Variants in EXOC6B observed in about 807,000 individuals in gnomAD.
The protein encoded by EXOC6B is exocyst complex component 6B, also known as SEC15 homolog B.
EXOC6B carries 54 observed loss-of-function variants against 113.5 expected under a neutral mutation model. The observed-to-expected ratio is 0.48, with a 90% CI of 0.38 to 0.60. EXOC6B has a LOEUF of 0.60. Ranked by LOEUF, EXOC6B falls within the 20% of genes least tolerant of loss-of-function variation. EXOC6B has a pLI of 0.00. For synonymous variants in EXOC6B, 357 were observed against 339.0 expected (o/e 1.05, Z -0.58); for missense variants, 797 against 977.5 (o/e 0.82, Z 2.46).
intron 18 of EXOC6B, among the ~76,000 whole-genome samples, chr2:72,423,891 T>C (rs1245388190): frequency 6.6e-6 from 1 of 152,216 alleles, no homozygotes; most frequent in African/African-American, 2.4e-5. Flanking sequence ...TATTTCTTCA[T>C]TACACATTAC....
chr2:72,322,401 G>A (rs1427320529), intron 20 of EXOC6B, among the ~76,000 whole-genome samples: 2 of 152,204 alleles, frequency 1.3e-5, no homozygotes, highest in East Asian at 3.9e-4. Context: ...ATAAAGAGCA[G>A]ATCAGTGGTT....
chr2:72,224,924 GTA>G (rs1232167716), intron 20 of EXOC6B, among the ~76,000 whole-genome samples: 1 of 148,774 alleles, frequency 6.7e-6, no homozygotes, highest in African/African-American at 2.5e-5. Flanking sequence ...GTATATATGT[GTA>G]TATATATGTC....
chr2:72,610,841 C>G (rs547792037), intron 6 of EXOC6B, among the ~76,000 whole-genome samples: 1 of 152,148 alleles, frequency 6.6e-6, no homozygotes, highest in East Asian at 1.9e-4. Context: ...AAGCCAAAAA[C>G]GGAAAACTCC....
intron 20 of EXOC6B, among the ~76,000 whole-genome samples, chr2:72,256,200 T>C (rs10193543): frequency 1.3e-5 from 2 of 152,116 alleles, no homozygotes; most frequent in Non-Finnish European, 2.9e-5. Flanking sequence ...CAAGGAAGGA[T>C]TCTCCCTTAG....
chr2:72,506,131 A>G (rs1700581851), intron 11 of EXOC6B, among the ~76,000 whole-genome samples: 1 of 152,100 alleles, frequency 6.6e-6, no homozygotes, highest in African/African-American at 2.4e-5. Flanking sequence ...CATTATCAAG[A>G]TCATGTATGC....
rs11890760 is a variant in EXOC6B, at chr2:72,745,348, A to G, written c.114-3879T>C. Among the ~76,000 whole-genome samples the G allele has an allele frequency of 3.6e-3, 552 of 152,216 alleles. 8 individuals are homozygous for G. The highest frequency in any genetic ancestry group is 0.013 in the African/African-American group (539 of 41,544). ...TTCTACCTGCTTATCACTACTCTCC[A>G]TCTGTTACTCCTATCTTAGGACCAT... On this transcript the variant is annotated intron_variant, in intron 1 of 21. Coordinates refer to ENST00000272427, the MANE Select transcript of EXOC6B (RefSeq NM_015189.3).
intron 18 of EXOC6B, among the ~76,000 whole-genome samples, chr2:72,430,016 C>T (rs1034471909): frequency 3.3e-5 from 5 of 152,028 alleles, no homozygotes; most frequent in African/African-American, 1.2e-4. Context: ...AAATATATTG[C>T]TAAGGGGAAA....
chr2:72,699,803 G>A (rs568587057), intron 6 of EXOC6B, among the ~76,000 whole-genome samples: 4 of 152,252 alleles, frequency 2.6e-5, no homozygotes, highest in South Asian at 4.2e-4. Context: ...AGGATAGCCC[G>A]CAAAAGTAGG....
chr2:72,296,870 C>T (rs1477609191), intron 20 of EXOC6B, among the ~76,000 whole-genome samples: 3 of 152,166 alleles, frequency 2.0e-5, no homozygotes, highest in African/African-American at 7.2e-5. Context: ...GAAGACTATT[C>T]CTTCGGTGCT....
chr2:72,586,041 AG>A (rs781094320), intron 6 of EXOC6B, among the ~76,000 whole-genome samples: 10 of 152,194 alleles, frequency 6.6e-5, no homozygotes, highest in South Asian at 2.1e-4. Context: ...ATAACTGTGT[AG>A]GTATATACCA....
Position 72,825,978 on chromosome 2 carries a change from C to T in EXOC6B, c.-68G>A. The stretch of plus-strand genomic sequence containing the variant: ...CTCACCTTTTCCCTGCCCCACAATG[C>T]CGCTCCCACCACAGGCTCCACAGCC... On this transcript the variant is annotated 5_prime_UTR_variant, in exon 1 of 22. Transcript: ENST00000272427. The surrounding 1 kb of genome is among the most constrained non-coding windows in gnomAD (Gnocchi z 4.4). 3 of 1,571,932 alleles carry T rather than the reference C, an allele frequency of 1.9e-6. No individual in the cohort carries two copies. The highest frequency in any genetic ancestry group is 1.7e-6 in the Non-Finnish European group (2 of 1,162,282).
At chr2:72,263,716 T>C (rs1271902594) in intron 20 of EXOC6B, among the ~76,000 whole-genome samples, 2 of 152,208 alleles carry the variant, frequency 1.3e-5, no homozygotes. Context: ...AGGAGTGGTC[T>C]TATCCTGTTA....
intron 6 of EXOC6B, among the ~76,000 whole-genome samples, chr2:72,670,530 C>T (rs1675716755): frequency 6.6e-6 from 1 of 152,104 alleles, no homozygotes; most frequent in African/African-American, 2.4e-5. Context: ...AGTAAGCCTT[C>T]CTAAAAGATA....
At chr2:72,397,359 G>A (rs1264098812) in intron 18 of EXOC6B, among the ~76,000 whole-genome samples, 7 of 151,974 alleles carry the variant, frequency 4.6e-5, no homozygotes, top group African/African-American at 1.2e-4. Flanking sequence ...AGTGGCTCAC[G>A]CCTGTAATCT....
At chr2:72,727,727 A>G (rs1225736026) in intron 5 of EXOC6B, among the ~76,000 whole-genome samples, 4 of 152,146 alleles carry the variant, frequency 2.6e-5, no homozygotes, top group Non-Finnish European at 4.4e-5. Context: ...TTTATACTGA[A>G]CTTAAGAAGG....
rs542328698 is a variant in EXOC6B at position 72,453,671 on chromosome 2, A to G, written c.1980+11489T>C. Among the ~76,000 whole-genome samples, 3 of 152,340 alleles carry G rather than the reference A, an allele frequency of 2.0e-5. No homozygotes were observed. The South Asian group carries it at 6.2e-4, about 32-fold the overall frequency. On this transcript the variant is annotated intron_variant, in intron 18 of 21. Coordinates refer to ENST00000272427, the MANE Select transcript of EXOC6B (RefSeq NM_015189.3). ...AAGTTTATATAACAGTTTGCCTATCATTACACAGTTAAGGTTTTTAATTAT... is the reference window on the plus strand; with the variant it reads ...AAGTTTATATAACAGTTTGCCTATCGTTACACAGTTAAGGTTTTTAATTAT...
chr2:72,323,478 T>C (rs1322998957), intron 20 of EXOC6B, among the ~76,000 whole-genome samples: 1 of 152,170 alleles, frequency 6.6e-6, no homozygotes, highest in African/African-American at 2.4e-5. Context: ...AGTAATCCCG[T>C]TACTGGGTAT....
At chr2:72,230,024 G>A (rs1438507972) in intron 20 of EXOC6B, among the ~76,000 whole-genome samples, 1 of 152,040 alleles carries the variant, frequency 6.6e-6, no homozygotes, top group African/African-American at 2.4e-5. Flanking sequence ...GAAAAATGAG[G>A]TGAGTAAGGA....
rs377333181 is a variant in EXOC6B, at chr2:72,581,840, G to A, written c.670-6172C>T. ...GCAGACCTGTAGGTGGGCCTGCTGG[G>A]TCTGACCCCTCCCATCTTACCCATC... On this transcript the variant is annotated intron_variant, in intron 6 of 21. Coordinates refer to ENST00000272427, the MANE Select transcript of EXOC6B (RefSeq NM_015189.3). Among the ~76,000 whole-genome samples the A allele has an allele frequency of 7.2e-5, 11 of 152,284 alleles. 1 individual carries two copies. The East Asian group carries it at 2.1e-3, about 29-fold the overall frequency.
Sources: gnomAD v4.1 joint callset for allele counts (sites outside exome capture counted in the v4.1 genomes callset) on GRCh38, gnomAD v4.1.1 for gene constraint, Gnocchi (gnomAD v3.1) non-coding constraint, MANE v1.5 for transcripts, NCBI Gene and HGNC (gene_info 2026-07-23, HGNC 2026-07-21) for gene names.